Variants in FSTL5 observed in about 807,000 individuals in gnomAD.
FSTL5 encodes the protein follistatin like 5.
In FSTL5, 62 loss-of-function variants were observed where a neutral mutation model predicts 89.1. That is an observed-to-expected ratio of 0.70 (90% CI 0.57 to 0.86). FSTL5 has a LOEUF of 0.86. Ranked by LOEUF, FSTL5 falls within the 40% of genes least tolerant of loss-of-function variation. The pLI, the probability that FSTL5 is intolerant of heterozygous loss-of-function variation, is 0.00. For missense variants in FSTL5, 1,057 were observed against 1,001.6 expected, an observed-to-expected ratio of 1.06 and a Z score of -0.75; for synonymous variants, 383 against 346.2, an observed-to-expected ratio of 1.11 and a Z score of -1.18.
chr4:161,678,772 T>G (rs1361666505), intron 6 of FSTL5, among the ~76,000 whole-genome samples: 1 of 151,786 alleles, frequency 6.6e-6, no homozygotes, highest in Non-Finnish European at 1.5e-5. Context: ...AGAGTATTGT[T>G]AAGAGAACAT....
At chr4:161,744,407 C>A (rs1387733076) in intron 6 of FSTL5, among the ~76,000 whole-genome samples, 1 of 152,114 alleles carries the variant, frequency 6.6e-6, no homozygotes, top group African/African-American at 2.4e-5. Flanking sequence ...TTCTCTATGA[C>A]TTACTATAAG....
At chr4:161,422,908 A>G (rs1732038650) in intron 15 of FSTL5, among the ~76,000 whole-genome samples, 1 of 152,236 alleles carries the variant, frequency 6.6e-6, no homozygotes, top group African/African-American at 2.4e-5. Flanking sequence ...TTGGAAAGGC[A>G]TTTATATTAC....
intron 1 of FSTL5, among the ~76,000 whole-genome samples, chr4:162,155,235 A>G (rs1418804950): frequency 6.6e-6 from 1 of 152,210 alleles, no homozygotes; most frequent in African/African-American, 2.4e-5. Flanking sequence ...GCTGGCCCTG[A>G]CTGGATAAGT....
At chr4:161,710,312 T>C (rs1252971479) in intron 6 of FSTL5, among the ~76,000 whole-genome samples, 9 of 152,122 alleles carry the variant, frequency 5.9e-5, no homozygotes, top group Admixed American at 5.9e-4. Context: ...TTTTAGAATA[T>C]TACAAGTAAA....
At chr4:162,036,824 C>G (rs1258927382) in intron 2 of FSTL5, among the ~76,000 whole-genome samples, 9 of 151,784 alleles carry the variant, frequency 5.9e-5, no homozygotes, top group Non-Finnish European at 1.3e-4. Flanking sequence ...GAATCATTGA[C>G]TTTAGATAAA....
At position 161,776,093 on chromosome 4, in the gene FSTL5, T is replaced by C. The variant is rs1436372222; in HGVS notation, c.410-19A>G. ...TTATCTCCTGTAACAAAAGAACTAG[T>C]TATTTTCAAGCAATATTATTGAAAA... On this transcript the variant is annotated intron_variant, in intron 4 of 15. Coordinates refer to ENST00000306100, the MANE Select transcript of FSTL5 (RefSeq NM_020116.5). The C allele has an allele frequency of 7.8e-7, 1 of 1,282,976 alleles. No individual in the cohort carries two copies. The highest frequency in any genetic ancestry group is 1.5e-5 in the African/African-American group (1 of 65,094). The allele number at this position is 1,282,976 out of a possible 1,614,324, so 79.5% of individuals were successfully genotyped here.
chr4:161,486,945 A>G (rs1051151079), intron 12 of FSTL5, among the ~76,000 whole-genome samples: 5 of 152,236 alleles, frequency 3.3e-5, no homozygotes, highest in Non-Finnish European at 7.3e-5. Context: ...AAGATTTTCC[A>G]CAGCTATTGA....
intron 11 of FSTL5, among the ~76,000 whole-genome samples, chr4:161,503,567 A>G (rs1254424850): frequency 6.6e-6 from 1 of 151,986 alleles, no homozygotes; most frequent in Non-Finnish European, 1.5e-5. Context: ...CAAATATTCT[A>G]TTACATTATA....
At chr4:161,807,651 C>T (rs1007079650) in intron 4 of FSTL5, among the ~76,000 whole-genome samples, 9 of 152,128 alleles carry the variant, frequency 5.9e-5, no homozygotes, top group East Asian at 5.8e-4. Context: ...AATGAAAAAA[C>T]GAACATGGCT....
At position 161,384,883 on chromosome 4, in the gene FSTL5, T is replaced by C. The variant is rs1373622305; in HGVS notation, c.*864A>G. 6.6e-6 allele frequency: 1 copy of C among 152,144 alleles called. No individual in the cohort carries two copies. Among genetic ancestry groups the C allele is most frequent in the Non-Finnish European group, 1.5e-5 (1 of 68,012 alleles). The allele number at this position is 152,144 out of a possible 1,614,324, so 9.4% of individuals were successfully genotyped here. A position where few individuals can be genotyped will look rare whatever the true frequency, so the allele number is the denominator to read the frequency against. ...CATTGGACTATATGAAAAGAAACAA[T>C]CTATTAATAAATAATCTATTCTGCT... On this transcript the variant is annotated 3_prime_UTR_variant, in exon 16 of 16. Coordinates refer to ENST00000306100, the MANE Select transcript of FSTL5 (RefSeq NM_020116.5).
chr4:161,939,071 T>C (rs947767944), intron 3 of FSTL5, among the ~76,000 whole-genome samples: 11 of 151,978 alleles, frequency 7.2e-5, no homozygotes, highest in African/African-American at 2.4e-4. Flanking sequence ...ATCACTTTTC[T>C]AGTTTTAACT....
intron 3 of FSTL5, among the ~76,000 whole-genome samples, chr4:161,985,395 T>C (rs1451376540): frequency 6.6e-6 from 1 of 152,116 alleles, no homozygotes; most frequent in Non-Finnish European, 1.5e-5. Flanking sequence ...ACTAGTTTTT[T>C]TGAAAAGTTT....
At position 161,645,541 on chromosome 4, in the gene FSTL5, G is replaced by C. The variant is rs192928319; in HGVS notation, c.894+10787C>G. On this transcript the variant is annotated intron_variant, in intron 7 of 15. Coordinates refer to ENST00000306100, the MANE Select transcript of FSTL5 (RefSeq NM_020116.5). ...AATATGCAGTACTCTAATAAATCAG[G>C]AGTAAAAAGTTATTTAGAAAGAATA... Among the ~76,000 whole-genome samples, 904 of 152,138 alleles carry C rather than the reference G, an allele frequency of 5.9e-3. 9 individuals are homozygous for C. The highest frequency in any genetic ancestry group is 0.045 in the South Asian group (217 of 4,820).
At chr4:161,638,361 T>G (rs1379452825) in intron 7 of FSTL5, among the ~76,000 whole-genome samples, 1 of 152,110 alleles carries the variant, frequency 6.6e-6, no homozygotes, top group Non-Finnish European at 1.5e-5. Context: ...AAGGAGATTT[T>G]GGGCTGAGAC....
chr4:161,964,214 G>C (rs1476743193), intron 3 of FSTL5, among the ~76,000 whole-genome samples: 2 of 151,932 alleles, frequency 1.3e-5, no homozygotes, highest in African/African-American at 4.8e-5. Context: ...GTATGTTCTG[G>C]ATTGGCAGTC....
At chr4:162,059,166 G>A (rs1193692587) in intron 2 of FSTL5, among the ~76,000 whole-genome samples, 2 of 152,150 alleles carry the variant, frequency 1.3e-5, no homozygotes, top group Non-Finnish European at 2.9e-5. Flanking sequence ...ATAAGTTTGA[G>A]ATAACCTAAA....
chr4:162,131,110 T>C (rs1418399961), intron 1 of FSTL5, among the ~76,000 whole-genome samples: 1 of 152,214 alleles, frequency 6.6e-6, no homozygotes, highest in African/African-American at 2.4e-5. Flanking sequence ...TTATAGATCA[T>C]TGTCTGCTCT....
chr4:161,879,482 T>A (rs1253112248), intron 4 of FSTL5, among the ~76,000 whole-genome samples: 2 of 152,280 alleles, frequency 1.3e-5, no homozygotes. Flanking sequence ...TCCTTTCACG[T>A]AAAGAAATAA....
At chr4:161,713,427 A>G (rs929615094) in intron 6 of FSTL5, among the ~76,000 whole-genome samples, 1 of 152,152 alleles carries the variant, frequency 6.6e-6, no homozygotes, top group African/African-American at 2.4e-5. Context: ...ACAAGGTCCA[A>G]TGTGTTTTCC....
Sources: gnomAD v4.1 joint callset for allele counts (sites outside exome capture counted in the v4.1 genomes callset) on GRCh38, gnomAD v4.1.1 for gene constraint, MANE v1.5 for transcripts, NCBI Gene and HGNC (gene_info 2026-07-23, HGNC 2026-07-21) for gene names.